Variants in CNTNAP2 observed in about 807,000 individuals in gnomAD.
The protein encoded by CNTNAP2 is contactin-associated protein-like 2.
Under a neutral mutation model 155.2 loss-of-function variants are expected in CNTNAP2, and 98 were observed. The ratio of observed to expected loss-of-function variants is 0.63; its 90% CI spans 0.54 to 0.75. The LOEUF is 0.75. CNTNAP2 is among the 30% of genes least tolerant of loss of function. CNTNAP2 has a pLI of 0.00. For missense variants in CNTNAP2, 1,727 were observed against 1,688.1 expected, an observed-to-expected ratio of 1.02 and a Z score of -0.40; for synonymous variants, 651 against 631.2, an observed-to-expected ratio of 1.03 and a Z score of -0.47.
intron 3 of CNTNAP2, among the ~76,000 whole-genome samples, chr7:146,988,359 A>T (rs897368076): frequency 7.2e-5 from 11 of 152,062 alleles, no homozygotes; most frequent in African/African-American, 2.7e-4. Context: ...ATATATATGG[A>T]TATGTTTTCT....
intron 22 of CNTNAP2, among the ~76,000 whole-genome samples, chr7:148,397,788 C>T (rs1034074728): frequency 2.0e-5 from 3 of 152,212 alleles, no homozygotes; most frequent in African/African-American, 7.2e-5. Flanking sequence ...GTGTGGGGAA[C>T]CATCAGGAAG....
chr7:147,721,492 G>T (rs567821553), intron 13 of CNTNAP2, among the ~76,000 whole-genome samples: 41 of 152,094 alleles, frequency 2.7e-4, no homozygotes, highest in African/African-American at 9.2e-4. Context: ...ACTCCCCTTT[G>T]CTCTAGTATC....
intron 21 of CNTNAP2, among the ~76,000 whole-genome samples, chr7:148,289,254 A>G (rs1177723811): frequency 6.6e-6 from 1 of 152,168 alleles, no homozygotes; most frequent in Non-Finnish European, 1.5e-5. Context: ...TTTCTGTGAA[A>G]AGCAGGTGGA....
At chr7:146,348,930 A>C (rs574277649) in intron 1 of CNTNAP2, among the ~76,000 whole-genome samples, 1 of 151,768 alleles carries the variant, frequency 6.6e-6, no homozygotes, top group African/African-American at 2.4e-5. Flanking sequence ...TCTTCTTATA[A>C]GTTCATCAGT....
intron 12 of CNTNAP2, among the ~76,000 whole-genome samples, chr7:147,571,490 A>G (rs1234212236): frequency 6.6e-6 from 1 of 151,980 alleles, no homozygotes; most frequent in Non-Finnish European, 1.5e-5. Flanking sequence ...TTTCAGAATA[A>G]CTTAAACTCT....
At chr7:146,800,904 G>C (rs540580275) in intron 2 of CNTNAP2, among the ~76,000 whole-genome samples, 1 of 152,086 alleles carries the variant, frequency 6.6e-6, no homozygotes, top group Admixed American at 6.5e-5. Flanking sequence ...CATGCAATGT[G>C]GGAAAAGTAT....
intron 5 of CNTNAP2, among the ~76,000 whole-genome samples, chr7:147,113,704 AC>A (rs1800930582): frequency 6.6e-6 from 1 of 152,162 alleles, no homozygotes; most frequent in Non-Finnish European, 1.5e-5. Flanking sequence ...AATTTGGATT[AC>A]AATTCAAGAT....
At chr7:146,454,607 T>C (rs1009805232) in intron 1 of CNTNAP2, among the ~76,000 whole-genome samples, 1 of 151,746 alleles carries the variant, frequency 6.6e-6, no homozygotes, top group African/African-American at 2.4e-5. Context: ...TAAATTAGTA[T>C]ATACATAATA....
intron 14 of CNTNAP2, among the ~76,000 whole-genome samples, chr7:147,975,765 C>T (rs1801417434): frequency 1.3e-5 from 2 of 151,902 alleles, no homozygotes; most frequent in African/African-American, 4.8e-5. Flanking sequence ...ATATTTTTGC[C>T]CCCTCTTTGG....
intron 1 of CNTNAP2, among the ~76,000 whole-genome samples, chr7:146,516,061 A>G (rs1797536560): frequency 6.6e-6 from 1 of 152,004 alleles, no homozygotes; most frequent in Non-Finnish European, 1.5e-5. Context: ...TTTTCTATGC[A>G]TTGATCTATA....
intron 13 of CNTNAP2, among the ~76,000 whole-genome samples, chr7:147,723,579 T>C (rs1231962672): frequency 6.6e-6 from 1 of 151,958 alleles, no homozygotes; most frequent in East Asian, 1.9e-4. Context: ...TCTTTTTTTT[T>C]TTAGAACTCT....
Position 147,677,603 on chromosome 7 carries a change from C to A in CNTNAP2, c.2098+38297C>A, listed in dbSNP as rs116473979. ...CAAAAATCGTTGCTCAGAAAAATGT[C>A]ATGTAGCTTTTTTTTCTATGGTTTT... On this transcript the variant is annotated intron_variant, in intron 13 of 23. Coordinates refer to ENST00000361727, the MANE Select transcript of CNTNAP2 (RefSeq NM_014141.6). 4.2e-3 allele frequency among the ~76,000 whole-genome samples: 631 copies of A among 151,712 alleles called. 2 individuals are homozygous for A. The highest frequency in any genetic ancestry group is 0.014 in the African/African-American group (600 of 41,464).
chr7:148,214,286 C>A (rs1418790722), intron 18 of CNTNAP2, among the ~76,000 whole-genome samples: 1 of 152,204 alleles, frequency 6.6e-6, no homozygotes, highest in Admixed American at 6.5e-5. Context: ...TAGATGTTTG[C>A]TGAAAGCTAA....
intron 1 of CNTNAP2, among the ~76,000 whole-genome samples, chr7:146,674,566 T>C (rs1337247016): frequency 6.6e-6 from 1 of 152,104 alleles, no homozygotes; most frequent in Non-Finnish European, 1.5e-5. Flanking sequence ...GGCCTGTGAA[T>C]TATACTGACA....
intron 3 of CNTNAP2, among the ~76,000 whole-genome samples, chr7:146,903,243 C>G (rs548384632): frequency 6.6e-6 from 1 of 152,194 alleles, no homozygotes; most frequent in East Asian, 1.9e-4. Flanking sequence ...TGTTTTGTCA[C>G]CAGAGATAGC....
intron 21 of CNTNAP2, among the ~76,000 whole-genome samples, chr7:148,332,076 G>A (rs745964374): frequency 1.3e-5 from 2 of 150,612 alleles, no homozygotes; most frequent in Non-Finnish European, 2.9e-5. Flanking sequence ...TGCTGTCATC[G>A]TTTTGTCAAA....
chr7:147,340,013 C>T (rs1350041714), intron 9 of CNTNAP2, among the ~76,000 whole-genome samples: 1 of 152,180 alleles, frequency 6.6e-6, no homozygotes, highest in African/African-American at 2.4e-5. Flanking sequence ...TAATCTACCA[C>T]ATTCACTCTG....
chr7:146,394,005 G>C (rs771149901), intron 1 of CNTNAP2, among the ~76,000 whole-genome samples: 1 of 152,132 alleles, frequency 6.6e-6, no homozygotes, highest in Non-Finnish European at 1.5e-5. Context: ...TCAGCAACTA[G>C]TTTTCTTCAG....
At position 148,418,018 on chromosome 7, in the gene CNTNAP2, A is replaced by G. The variant is rs1310316885; in HGVS notation, c.*2402A>G. ...CCCATATCACCATCAATTAAGACAT[A>G]TAGGACACTGTCTTCCTTCAAGAGG... On this transcript the variant is annotated 3_prime_UTR_variant, in exon 24 of 24. Transcript: ENST00000361727. The G allele has an allele frequency of 1.3e-5, 2 of 152,214 alleles. No individual in the cohort carries two copies. Among genetic ancestry groups the G allele is most frequent in the Admixed American group, 6.5e-5 (1 of 15,288 alleles). 9.4% of individuals were successfully genotyped at this position (152,214 alleles called of 1,614,324 possible).
Sources: gnomAD v4.1 joint callset for allele counts (sites outside exome capture counted in the v4.1 genomes callset) on GRCh38, gnomAD v4.1.1 for gene constraint, MANE v1.5 for transcripts, NCBI Gene and HGNC (gene_info 2026-07-23, HGNC 2026-07-21) for gene names.